Variants in FGD3 observed in about 807,000 individuals in gnomAD.
FGD3 encodes FYVE, RhoGEF and PH domain-containing protein 3.
FGD3 carries 45 observed loss-of-function variants against 71.8 expected under a neutral mutation model. That is an observed-to-expected ratio of 0.63 (90% CI 0.49 to 0.80). The LOEUF (loss-of-function observed/expected upper bound fraction) is 0.80, where lower values mean the gene tolerates loss of function less well. FGD3 is among the 30% of genes least tolerant of loss of function. The probability of loss-of-function intolerance (pLI) is 0.00; values close to 1 mark genes in which losing one functional copy is unlikely to be tolerated. For missense variants in FGD3, 844 were observed against 951.5 expected (o/e 0.89, Z 1.49); for synonymous variants, 378 against 392.8 (o/e 0.96, Z 0.44).
chr9:92,987,705 G>C (rs927273562), intron 3 of FGD3, among the ~76,000 whole-genome samples: 21 of 152,196 alleles, frequency 1.4e-4, no homozygotes, highest in African/African-American at 5.1e-4. Flanking sequence ...GTGGTGGGCT[G>C]TCTGCATGCC....
intron 3 of FGD3, among the ~76,000 whole-genome samples, chr9:92,981,423 TTG>T (rs1274897597): frequency 1.3e-5 from 2 of 151,896 alleles, no homozygotes; most frequent in African/African-American, 2.4e-5. Context: ...ATTTCAGTCT[TTG>T]TGTGTTTGTT....
chr9:92,976,254 A>G lies in FGD3; in HGVS notation c.-3A>G, dbSNP rs1859747524. 6.4e-7 allele frequency: 1 copy of G among 1,572,392 alleles called. No homozygotes were observed. The highest frequency in any genetic ancestry group is 1.8e-5 in the Admixed American group (1 of 56,386). ...CCTGAGCCCAGTGAGCTCAGCTTTA[A>G]GGATGGAGTCAGGCAGGGGGTCCTC... On this transcript the variant is annotated 5_prime_UTR_variant, in exon 3 of 18. Transcript: ENST00000375482.
At chr9:92,978,788 CCCTCCCCT>C (rs1859880337) in intron 3 of FGD3, among the ~76,000 whole-genome samples, 1 of 67,430 alleles carries the variant, frequency 1.5e-5, no homozygotes, top group Non-Finnish European at 3.0e-5. Flanking sequence ...CCCTCCCCTC[CCCTCCCCT>C]CTCCTTCCCT....
At chr9:92,978,842 C>T (rs1446073614) in intron 3 of FGD3, among the ~76,000 whole-genome samples, 1 of 142,926 alleles carries the variant, frequency 7.0e-6, no homozygotes, top group African/African-American at 2.6e-5. Flanking sequence ...TTATATTGCC[C>T]AGGCTCATCT....
At chr9:92,962,451 C>T (rs746032472) in intron 1 of FGD3, among the ~76,000 whole-genome samples, 4 of 152,142 alleles carry the variant, frequency 2.6e-5, no homozygotes, top group Non-Finnish European at 5.9e-5. Flanking sequence ...CTGGATGGTC[C>T]AGGGCTGCCT....
intron 16 of FGD3, chr9:93,033,319 C>T (rs1353369895): frequency 1.2e-5 from 3 of 253,042 alleles, no homozygotes; most frequent in South Asian, 3.5e-5. Flanking sequence ...TCCTCCTCCC[C>T]GTCCCCTTCT....
At chr9:92,959,360 A>T (rs1859126168) in intron 1 of FGD3, among the ~76,000 whole-genome samples, 1 of 152,052 alleles carries the variant, frequency 6.6e-6, no homozygotes, top group South Asian at 2.1e-4. Context: ...TAAGTCTTGA[A>T]ATAGGGTAAT....
chr9:93,024,710 G>A (rs1055508946), intron 14 of FGD3, among the ~76,000 whole-genome samples: 5 of 152,258 alleles, frequency 3.3e-5, no homozygotes, highest in Non-Finnish European at 7.3e-5. Context: ...GACCTGGGCG[G>A]GTTGTAGGAA....
intron 1 of FGD3, among the ~76,000 whole-genome samples, chr9:92,959,253 G>A (rs1032082506): frequency 4.0e-5 from 6 of 151,894 alleles, no homozygotes; most frequent in East Asian, 1.9e-4. Context: ...GAACCACTGC[G>A]CCCAGTCAAA....
rs1021219761 is a variant in FGD3 at position 93,034,910 on chromosome 9, G to T, written c.1926+229G>T. 2.6e-5 allele frequency among the ~76,000 whole-genome samples: 4 copies of T among 152,296 alleles called. No individual in the cohort carries two copies. In the East Asian group the frequency reaches 7.7e-4, roughly 29 times the overall value. ...AGCCAGCCAGGGTGCAAGGAGGGGT[G>T]GGCCAAGGGGGCACAAAGGGTGGCC... On this transcript the variant is annotated intron_variant, in intron 17 of 17. Transcript: ENST00000375482.
intron 1 of FGD3, among the ~76,000 whole-genome samples, chr9:92,964,914 C>T (rs985442391): frequency 6.6e-6 from 1 of 152,198 alleles, no homozygotes; most frequent in Admixed American, 6.5e-5. Flanking sequence ...CACAGTGTGT[C>T]TCCAGAAGCT....
At chr9:93,008,897 G>A (rs377438375) in intron 6 of FGD3, among the ~76,000 whole-genome samples, 5 of 151,948 alleles carry the variant, frequency 3.3e-5, no homozygotes, top group East Asian at 1.9e-4. Flanking sequence ...CCGGGGAGGC[G>A]GAGGCTGTAG....
In FGD3 at chr9:93,015,863, C is replaced by G. The variant is rs201029026; in HGVS notation, c.1275+34C>G. On this transcript the variant is annotated intron_variant, in intron 10 of 17. Coordinates refer to ENST00000375482, the MANE Select transcript of FGD3 (RefSeq NM_001083536.2). ...GCTCCTCCATCTCAAACCTGTCCCC[C>G]TGGAAGGGGCACTGAGCAGGACTGG... The G allele has an allele frequency of 1.5e-4, 234 of 1,592,766 alleles. No homozygotes were observed. In the African/African-American group the frequency reaches 2.6e-3, roughly 18 times the overall value.
intron 1 of FGD3, among the ~76,000 whole-genome samples, chr9:92,966,497 C>T (rs1276511411): frequency 2.6e-5 from 4 of 152,212 alleles, no homozygotes; most frequent in African/African-American, 9.7e-5. Flanking sequence ...CCTCCAGGAC[C>T]CCCTGCTCTG....
chr9:92,988,523 C>T (rs949165842), intron 3 of FGD3, among the ~76,000 whole-genome samples: 2 of 152,186 alleles, frequency 1.3e-5, no homozygotes, highest in African/African-American at 4.8e-5. Context: ...CTCCCCTGCT[C>T]ATGTCTGCCT....
intron 3 of FGD3, among the ~76,000 whole-genome samples, chr9:92,995,108 A>G (rs1355668848): frequency 2.0e-5 from 3 of 152,228 alleles, no homozygotes; most frequent in East Asian, 3.8e-4. Context: ...ATCCATGAAC[A>G]TGGAATGTTC....
At chr9:93,027,965 C>T (rs1291423104) in intron 14 of FGD3, among the ~76,000 whole-genome samples, 2 of 152,176 alleles carry the variant, frequency 1.3e-5, no homozygotes, top group Non-Finnish European at 2.9e-5. Flanking sequence ...GCAACCCTCC[C>T]GCCTCAGCCT....
chr9:92,973,237 C>T (rs1199430336), intron 1 of FGD3, among the ~76,000 whole-genome samples: 1 of 151,362 alleles, frequency 6.6e-6, no homozygotes, highest in Non-Finnish European at 1.5e-5. Context: ...GCCTCAGCCT[C>T]CTAAGCAGCT....
chr9:92,977,688 C>A (rs1268208020), intron 3 of FGD3, among the ~76,000 whole-genome samples: 4 of 152,078 alleles, frequency 2.6e-5, no homozygotes, highest in African/African-American at 9.7e-5. Flanking sequence ...AGGGGCATGT[C>A]ACACCACACC....
Sources: gnomAD v4.1 joint callset for allele counts (sites outside exome capture counted in the v4.1 genomes callset) on GRCh38, gnomAD v4.1.1 for gene constraint, MANE v1.5 for transcripts, NCBI Gene and HGNC (gene_info 2026-07-23, HGNC 2026-07-21) for gene names.